The following DNAI1 variants were observed in gnomAD, a reference collection of about 807,000 sequenced individuals.
DNAI1 encodes dynein, axonemal, intermediate polypeptide 1.
A neutral mutation model predicts 92.0 loss-of-function variants in DNAI1; 67 were observed. That is an observed-to-expected ratio of 0.73 (90% CI 0.60 to 0.89). The LOEUF (loss-of-function observed/expected upper bound fraction) is 0.89. Ranked by LOEUF, DNAI1 falls within the 40% of genes least tolerant of loss-of-function variation. The pLI is 0.00. For synonymous variants in DNAI1, 323 were observed against 319.6 expected, an observed-to-expected ratio of 1.01 and a Z score of -0.11; for missense variants, 839 against 866.6, an observed-to-expected ratio of 0.97 and a Z score of 0.40.
chr9:34,516,659 G>C (rs1442240619), intron 18 of DNAI1, among the ~76,000 whole-genome samples: 1 of 152,126 alleles, frequency 6.6e-6, no homozygotes, highest in Non-Finnish European at 1.5e-5. Context: ...GCATAATGAG[G>C]TGATGCAACC....
intron 13 of DNAI1, among the ~76,000 whole-genome samples, chr9:34,509,403 A>G (rs890201797): frequency 6.6e-6 from 1 of 152,242 alleles, no homozygotes; most frequent in African/African-American, 2.4e-5. Flanking sequence ...GGTTTCAAGC[A>G]AAGTGTTCAT....
At chr9:34,489,723 C>A (rs1388125721) in intron 5 of DNAI1, among the ~76,000 whole-genome samples, 3 of 152,160 alleles carry the variant, frequency 2.0e-5, no homozygotes, top group Non-Finnish European at 4.4e-5. Flanking sequence ...GTGGCACTTA[C>A]CTGTAGTCCC....
chr9:34,475,144 G>A (rs922536834), intron 1 of DNAI1, among the ~76,000 whole-genome samples: 1 of 152,218 alleles, frequency 6.6e-6, no homozygotes, highest in African/African-American at 2.4e-5. Flanking sequence ...GTAGCTGGAG[G>A]AAGATTTGTT....
In DNAI1 at chr9:34,490,110, GTGCCTGC is replaced by G; in HGVS notation, c.488_494del (p.Val163GlufsTer8). ...AACTGAGCCTGGGAGTCAAACAGAT[GTGCCTGC>G]AGCTGGGGTACAGTATAATATCGCT... is the stretch of plus-strand genomic sequence containing the variant. On this transcript the variant is annotated frameshift_variant, in exon 6 of 20. Coordinates refer to ENST00000242317, the MANE Select transcript of DNAI1 (RefSeq NM_012144.4). LOFTEE classifies it high-confidence loss of function. 6.2e-7 allele frequency: 1 copy of G among 1,614,104 alleles called. No individual in the cohort carries two copies. Among genetic ancestry groups the G allele is most frequent in the South Asian group, 1.1e-5 (1 of 91,072 alleles).
intron 9 of DNAI1, 59 bp from the exon 10 acceptor site, chr9:34,497,056 G>T (rs1354234740): frequency 7.7e-7 from 1 of 1,291,688 alleles, no homozygotes; most frequent in Admixed American, 1.7e-5. Flanking sequence ...CATGGCTCAG[G>T]ACATATGACC....
chr9:34,473,947 C>T lies in DNAI1; in HGVS notation c.49-9501C>T, dbSNP rs540919020. 7.9e-5 allele frequency among the ~76,000 whole-genome samples: 12 copies of T among 152,118 alleles called. No individual in the cohort carries two copies. In the East Asian group the frequency reaches 1.4e-3, roughly 17 times the overall value. On this transcript the variant is annotated intron_variant, in intron 1 of 19. Coordinates refer to ENST00000242317, the MANE Select transcript of DNAI1 (RefSeq NM_012144.4). Reference sequence around the variant, plus strand: ...CTTGCTATGTCACCCAGGTTGGTCTCGAACTCCTGGACTCAAGCATTCCTC... The same window carrying T: ...CTTGCTATGTCACCCAGGTTGGTCTTGAACTCCTGGACTCAAGCATTCCTC...
In DNAI1 at chr9:34,458,823, T is replaced by C; in HGVS notation, c.-183T>C. On this transcript the variant is annotated 5_prime_UTR_variant, in exon 1 of 20. Coordinates refer to ENST00000242317, the MANE Select transcript of DNAI1 (RefSeq NM_012144.4). The surrounding 1 kb of genome is among the most constrained non-coding windows in gnomAD (Gnocchi z 6.6). ...GCTGGTCGGTTGCTGGGTAACCGCG[T>C]CAGGGAGTTGGATTCTATCCTGCAA... The C allele has an allele frequency of 1.5e-6, 1 of 665,882 alleles. No individual in the cohort carries two copies. The highest frequency in any genetic ancestry group is 2.7e-5 in the East Asian group (1 of 36,516). The allele number at this position is 665,882 out of a possible 1,614,324, so 41.2% of individuals were successfully genotyped here.
At chr9:34,504,611 C>G (rs1824889422) in intron 12 of DNAI1, among the ~76,000 whole-genome samples, 2 of 152,318 alleles carry the variant, frequency 1.3e-5, no homozygotes, top group Non-Finnish European at 1.5e-5. Flanking sequence ...AATTAAATGT[C>G]CCGCTTGATG....
At chr9:34,509,907 AAAAAAAAAG>A (rs1253820478) in intron 13 of DNAI1, among the ~76,000 whole-genome samples, 1 of 151,952 alleles carries the variant, frequency 6.6e-6, no homozygotes, top group Non-Finnish European at 1.5e-5. Context: ...CTCAAAAAAA[AAAAAAAAAG>A]AAAAAAAAGA....
chr9:34,463,176 G>A (rs1408370252), intron 1 of DNAI1, among the ~76,000 whole-genome samples: 1 of 152,138 alleles, frequency 6.6e-6, no homozygotes, highest in Non-Finnish European at 1.5e-5. Context: ...GTGAAGGGAT[G>A]GGGATAGGGG....
Position 34,514,395 on chromosome 9 carries a change from G to A in DNAI1, c.1571G>A (p.Cys524Tyr). ...GACCCCCGTTCCCTCCCCGACCAGT[G>A]CTCTAAATCCTACTCCAGCCAATTC... ...VGTEEGKIYK[C>Y]SKSYSSQFLD... is the part of the protein sequence containing the mutation. Residue 524 changes from cysteine (C) to tyrosine (Y), a missense_variant and splice_region_variant, in exon 17 of 20, where the codon TGC (cysteine) becomes TAC (tyrosine). Physicochemically the swap from Cys to Tyr is radical, Grantham distance 194 (BLOSUM62 -2). Transcript: ENST00000242317. 6.2e-7 allele frequency: 1 copy of A among 1,613,934 alleles called. No individual in the cohort carries two copies. The highest frequency in any genetic ancestry group is 1.1e-5 in the South Asian group (1 of 91,090).
In DNAI1 at chr9:34,459,083, C is replaced by T. The variant is rs376040025; in HGVS notation, c.48+30C>T. 941 of 1,607,368 alleles carry T rather than the reference C, an allele frequency of 5.9e-4. 1 individual carries two copies. The highest frequency in any genetic ancestry group is 7.1e-4 in the Non-Finnish European group (835 of 1,173,922). ...CGTACGCACACCTTCCTTCTGATGA[C>T]CTCTGACCTTCGTCGTCGCCAGTGA... On this transcript the variant is annotated intron_variant, in intron 1 of 19. Transcript: ENST00000242317.
In DNAI1 at chr9:34,487,056, A is replaced by G. The variant is rs151091387; in HGVS notation, c.261+1539A>G. On this transcript the variant is annotated intron_variant, in intron 4 of 19. Coordinates refer to ENST00000242317, the MANE Select transcript of DNAI1 (RefSeq NM_012144.4). ...TTTGAATTGTTTCTGCTTTTTGGCTATTATGACTAATGCTGCTATGAACAT... is the reference window on the plus strand; with the variant it reads ...TTTGAATTGTTTCTGCTTTTTGGCTGTTATGACTAATGCTGCTATGAACAT... 3.7e-4 allele frequency among the ~76,000 whole-genome samples: 56 copies of G among 152,332 alleles called. 1 individual carries two copies. The East Asian group carries it at 3.9e-3, about 10-fold the overall frequency.
chr9:34,492,506 A>C (rs1824626188), intron 8 of DNAI1, among the ~76,000 whole-genome samples: 6 of 55,404 alleles, frequency 1.1e-4, no homozygotes, highest in African/African-American at 3.8e-4. Context: ...ATATATATAT[A>C]TATATATATA....
chr9:34,520,123 C>T (rs1825241223), intron 19 of DNAI1, among the ~76,000 whole-genome samples: 1 of 152,178 alleles, frequency 6.6e-6, no homozygotes, highest in South Asian at 2.1e-4. Context: ...GTATGTCTGA[C>T]ACAGCAGGTC....
chr9:34,461,693 G>A (rs1017499038), intron 1 of DNAI1, among the ~76,000 whole-genome samples: 2 of 152,192 alleles, frequency 1.3e-5, no homozygotes, highest in Non-Finnish European at 2.9e-5. Context: ...TGGAGGGAAG[G>A]GTTGTTTTAG....
intron 1 of DNAI1, among the ~76,000 whole-genome samples, chr9:34,469,990 C>A (rs192318697): frequency 8.5e-5 from 13 of 152,186 alleles, no homozygotes; most frequent in African/African-American, 2.7e-4. Context: ...TATGTGACAA[C>A]AATAGGGGAA....
intron 1 of DNAI1, among the ~76,000 whole-genome samples, chr9:34,477,625 G>T (rs371263626): frequency 6.6e-6 from 1 of 152,134 alleles, no homozygotes; most frequent in South Asian, 2.1e-4. Flanking sequence ...AGATATTAAA[G>T]AAATAGAATT....
At chr9:34,500,450 C>T (rs887471013) in intron 10 of DNAI1, among the ~76,000 whole-genome samples, 5 of 152,166 alleles carry the variant, frequency 3.3e-5, no homozygotes, top group African/African-American at 1.2e-4. Context: ...TAGACATGGC[C>T]GGTGTATTGT....
Sources: gnomAD v4.1 joint callset for allele counts (sites outside exome capture counted in the v4.1 genomes callset) on GRCh38, gnomAD v4.1.1 for gene constraint, Gnocchi (gnomAD v3.1) non-coding constraint, MANE v1.5 for transcripts, NCBI Gene and HGNC (gene_info 2026-07-23, HGNC 2026-07-21) for gene names.